Variants in KAZN observed in about 807,000 individuals in gnomAD.
KAZN encodes the protein kazrin, periplakin interacting protein.
A neutral mutation model predicts 87.4 loss-of-function variants in KAZN; 40 were observed. That is an observed-to-expected ratio of 0.46 (90% CI 0.36 to 0.60). The LOEUF is 0.60. KAZN is among the 20% of genes least tolerant of loss of function. KAZN has a pLI of 0.00. For missense variants in KAZN, 898 were observed against 1,073.9 expected, an observed-to-expected ratio of 0.84 and a Z score of 2.29; for synonymous variants, 466 against 458.3, an observed-to-expected ratio of 1.02 and a Z score of -0.22.
chr1:14,796,142 G>A (rs1011856505), intron 1 of KAZN, among the ~76,000 whole-genome samples: 5 of 152,066 alleles, frequency 3.3e-5, no homozygotes, highest in Non-Finnish European at 7.4e-5. Context: ...CCACTTTCTG[G>A]CCTCCGTTCT....
chr1:14,185,647 G>GTTTGT (rs376949133), intron 2 of KAZN, among the ~76,000 whole-genome samples: 1 of 152,160 alleles, frequency 6.6e-6, no homozygotes, highest in African/African-American at 2.4e-5. Context: ...TTAAAAGGGT[G>GTTTGT]TTTGTTTTGT....
chr1:14,142,108 C>CTTTT (rs35138469), intron 1 of KAZN, among the ~76,000 whole-genome samples: 4 of 128,968 alleles, frequency 3.1e-5, no homozygotes, highest in South Asian at 2.5e-4. Context: ...CCCTCCTTCC[C>CTTTT]TTTTTTTTTT....
chr1:14,579,573 C>G (rs1025604449), intron 2 of KAZN, among the ~76,000 whole-genome samples: 2 of 151,164 alleles, frequency 1.3e-5, no homozygotes, highest in East Asian at 3.9e-4. Flanking sequence ...TGCGGTGAGC[C>G]GAGATCGCAC....
chr1:14,997,153 T>C (rs1667954363), intron 2 of KAZN, among the ~76,000 whole-genome samples: 2 of 152,146 alleles, frequency 1.3e-5, no homozygotes, highest in Non-Finnish European at 2.9e-5. Context: ...CCAGCGAGTC[T>C]CAGTTCCTTC....
At chr1:14,955,144 C>T (rs901234029) in intron 1 of KAZN, among the ~76,000 whole-genome samples, 25 of 152,176 alleles carry the variant, frequency 1.6e-4, no homozygotes, top group Admixed American at 1.6e-3. Flanking sequence ...CACACAGCAA[C>T]GTAATCTTTC....
At chr1:14,819,706 C>CTTTTTTTTTT (rs775752838) in intron 1 of KAZN, among the ~76,000 whole-genome samples, 1 of 117,532 alleles carries the variant, frequency 8.5e-6, no homozygotes, top group Non-Finnish European at 1.7e-5. Context: ...GAAAAAAAAT[C>CTTTTTTTTTT]TTTTTTTTTT....
intron 2 of KAZN, among the ~76,000 whole-genome samples, chr1:14,196,978 C>T (rs1435444302): frequency 6.6e-6 from 1 of 151,942 alleles, no homozygotes; most frequent in Admixed American, 6.6e-5. Flanking sequence ...AGCAATTCTG[C>T]TGATAGATGG....
At chr1:14,877,694 CAT>C (rs1491556661) in intron 1 of KAZN, among the ~76,000 whole-genome samples, 5 of 152,168 alleles carry the variant, frequency 3.3e-5, no homozygotes, top group East Asian at 1.9e-4. Context: ...TCATCCATAA[CAT>C]GTGTGTAATA....
intron 4 of KAZN, among the ~76,000 whole-genome samples, chr1:15,050,093 C>T (rs74870928): frequency 1.0e-5 from 1 of 100,276 alleles, no homozygotes; most frequent in Admixed American, 1.1e-4. Flanking sequence ...CAGTAGAGTA[C>T]AGTAGAGTAG....
intron 1 of KAZN, among the ~76,000 whole-genome samples, chr1:14,110,265 A>C (rs1221145524): frequency 1.3e-5 from 2 of 151,844 alleles, no homozygotes; most frequent in Admixed American, 6.6e-5. Flanking sequence ...ATGGGTTCCA[A>C]GGATGCTTAA....
intron 1 of KAZN, among the ~76,000 whole-genome samples, chr1:14,839,009 T>A (rs1647619083): frequency 6.6e-6 from 1 of 152,102 alleles, no homozygotes; most frequent in South Asian, 2.1e-4. Context: ...GCCCCCATAA[T>A]CAACTCCTGC....
In KAZN at chr1:14,532,332, G is replaced by A. The variant is rs552489587; in HGVS notation, c.250-66651G>A. On this transcript the variant is annotated intron_variant, in intron 2 of 16. Coordinates refer to the KAZN transcript ENST00000636203. The stretch of plus-strand genomic sequence containing the variant: ...GATGCTTAAGTCCTGTCATGACTCA[G>A]ACAGGCATTGGAGAGATGATAAAAT... Among the ~76,000 whole-genome samples the A allele has an allele frequency of 3.3e-5, 5 of 152,224 alleles. No homozygotes were observed. In the East Asian group the frequency reaches 7.7e-4, roughly 24 times the overall value.
intron 1 of KAZN, among the ~76,000 whole-genome samples, chr1:14,871,769 T>C (rs1572696999): frequency 6.6e-6 from 1 of 151,912 alleles, no homozygotes; most frequent in Non-Finnish European, 1.5e-5. Context: ...AGTATCCTGA[T>C]TGACCAGATC....
intron 1 of KAZN, among the ~76,000 whole-genome samples, chr1:14,893,083 T>C (rs1377399955): frequency 6.6e-6 from 1 of 152,104 alleles, no homozygotes; most frequent in South Asian, 2.1e-4. Flanking sequence ...AAAAGGAAAA[T>C]AGAGGCCAGT....
intron 1 of KAZN, among the ~76,000 whole-genome samples, chr1:14,771,707 T>A (rs1288069279): frequency 6.6e-6 from 1 of 151,536 alleles, no homozygotes; most frequent in African/African-American, 2.4e-5. Flanking sequence ...GTGCCTCTAA[T>A]CCTAGCTACT....
chr1:14,817,151 C>T (rs1646592491), intron 1 of KAZN, among the ~76,000 whole-genome samples: 1 of 152,190 alleles, frequency 6.6e-6, no homozygotes, highest in African/African-American at 2.4e-5. Flanking sequence ...CTGATGTGGA[C>T]TGTTGAGGCA....
chr1:14,500,804 G>A (rs768511642), intron 2 of KAZN, among the ~76,000 whole-genome samples: 2 of 152,070 alleles, frequency 1.3e-5, no homozygotes, highest in Non-Finnish European at 2.9e-5. Flanking sequence ...AGAGTATGAG[G>A]AAATACTATG....
intron 1 of KAZN, among the ~76,000 whole-genome samples, chr1:13,994,368 C>A (rs6693784): frequency 0.14 from 20,757 of 152,244 alleles, 1,540 homozygotes; most frequent in Middle Eastern, 0.22. Context: ...CAAAAGTTGA[C>A]TCATGTCTTT....
At chr1:15,061,283 A>G (rs182735020) in intron 6 of KAZN, 2 of 152,234 alleles carry the variant, frequency 1.3e-5, no homozygotes, top group East Asian at 1.9e-4. Flanking sequence ...GTAAAAATCA[A>G]TCACTTTCCT....
Sources: allele counts gnomAD v4.1 joint callset (sites outside exome capture counted in the v4.1 genomes callset), GRCh38; gene constraint gnomAD v4.1.1; transcripts MANE v1.5; gene names NCBI Gene and HGNC (gene_info 2026-07-23, HGNC 2026-07-21).